C16orf89: variants seen among roughly 807,000 people sequenced by gnomAD.
C16orf89 encodes chromosome 16 open reading frame 89, also known as UPF0764 protein C16orf89.
Under a neutral mutation model 41.5 loss-of-function variants are expected in C16orf89, and 57 were observed. That is an observed-to-expected ratio of 1.38 (90% CI 1.11 to 1.71). C16orf89 has a LOEUF of 1.71. Ranked by LOEUF, C16orf89 falls within the 40% of genes most tolerant of loss-of-function variation. The pLI is 0.00. For synonymous variants in C16orf89, 223 were observed against 190.6 expected (o/e 1.17, Z -1.40); for missense variants, 575 against 445.9 (o/e 1.29, Z -2.61).
chr16:5,062,316 G>A (rs116852727), intron 2 of C16orf89, 109 bp downstream of exon 2: 26,811 of 1,341,592 alleles, frequency 0.02, 342 homozygotes, highest in Middle Eastern at 0.034. Flanking sequence ...AGTTGGTTAC[G>A]GACTGTCCCA....
At chr16:5,060,200 G>A in intron 3 of C16orf89, 86 bp downstream of exon 3, 1 of 1,461,326 alleles carries the variant, frequency 6.8e-7, no homozygotes, top group Admixed American at 2.0e-5. Flanking sequence ...TTCAGCCCTA[G>A]GGCTTGGAGA....
At position 5,055,610 on chromosome 16, in the gene C16orf89, C is replaced by A. The variant is rs993989699; in HGVS notation, c.764-260G>T. On this transcript the variant is annotated intron_variant, in intron 5 of 7. Coordinates refer to ENST00000472572, the MANE Select transcript of C16orf89 (RefSeq NM_001098514.3). Reference sequence around the variant, plus strand: ...AGGATCAGTGGAGGAGTTTGGACACCCCAGCCAGCTAGCAGCCTCCCAAGC... The same window carrying A: ...AGGATCAGTGGAGGAGTTTGGACACACCAGCCAGCTAGCAGCCTCCCAAGC... 8.8e-5 allele frequency: 124 copies of A among 1,412,044 alleles called. 1 individual carries two copies. In the East Asian group the frequency reaches 1.5e-3, roughly 17 times the overall value. 87.5% of individuals were successfully genotyped at this position (1,412,044 alleles called of 1,614,324 possible).
At chr16:5,045,562 G>GCAGATTT (rs1293976597) in intron 7 of C16orf89, among the ~76,000 whole-genome samples, 3 of 152,170 alleles carry the variant, frequency 2.0e-5, no homozygotes, top group Non-Finnish European at 2.9e-5. Flanking sequence ...GAGGGAGAAT[G>GCAGATTT]CAGATTTCAA....
At chr16:5,055,205 C>T (rs1956470098) in intron 6 of C16orf89, 41 bp downstream of exon 6, 2 of 1,508,304 alleles carry the variant, frequency 1.3e-6, no homozygotes, top group Non-Finnish European at 1.8e-6. Flanking sequence ...ACCCCCACCC[C>T]CACTGCCCCC....
chr16:5,064,069 G>A (rs983072965), intron 1 of C16orf89, among the ~76,000 whole-genome samples: 1 of 152,108 alleles, frequency 6.6e-6, no homozygotes, highest in African/African-American at 2.4e-5. Context: ...AGGTTGCAGT[G>A]AGCTGAGGTG....
At chr16:5,063,278 T>A (rs576457574) in intron 1 of C16orf89, among the ~76,000 whole-genome samples, 6 of 152,188 alleles carry the variant, frequency 3.9e-5, no homozygotes, top group African/African-American at 1.4e-4. Context: ...GCTGAGGTAG[T>A]CCTCCAGGGC....
At position 5,065,583 on chromosome 16, in the gene C16orf89, G is replaced by C. The variant is rs1352006990; in HGVS notation, c.208+118C>G. The C allele has an allele frequency of 2.5e-6, 3 of 1,209,770 alleles. No homozygotes were observed. In the South Asian group the frequency reaches 4.6e-5, roughly 18 times the overall value. The allele number at this position is 1,209,770 out of a possible 1,614,324, so 74.9% of individuals were successfully genotyped here. Reference sequence around the variant, plus strand: ...CCTGGCCTCCTCTCTCCTTATAGCCGAGGCAGGCTATACTGGGGCCAGGAG... The same window carrying C: ...CCTGGCCTCCTCTCTCCTTATAGCCCAGGCAGGCTATACTGGGGCCAGGAG... On this transcript the variant is annotated intron_variant, in intron 1 of 7. Coordinates refer to ENST00000472572, the MANE Select transcript of C16orf89 (RefSeq NM_001098514.3).
intron 6 of C16orf89, among the ~76,000 whole-genome samples, chr16:5,051,862 G>C (rs1238454702): frequency 6.6e-6 from 1 of 152,110 alleles, no homozygotes; most frequent in Admixed American, 6.6e-5. Context: ...GACTTTGGGA[G>C]GTCGAGGTAG....
chr16:5,060,124 G>T, intron 3 of C16orf89, 162 bp downstream of exon 3: 1 of 823,874 alleles, frequency 1.2e-6, no homozygotes, highest in East Asian at 3.1e-5. Flanking sequence ...GGACCCTGCT[G>T]GAGTAGGAGA....
intron 6 of C16orf89, among the ~76,000 whole-genome samples, chr16:5,050,232 G>T (rs988377667): frequency 6.6e-6 from 1 of 152,102 alleles, no homozygotes; most frequent in Non-Finnish European, 1.5e-5. Context: ...GCCAGGCATG[G>T]TGGCGGGCGC....
In C16orf89 at chr16:5,063,339, G is replaced by A. The variant is rs187958875; in HGVS notation, c.209-765C>T. 2.5e-3 allele frequency among the ~76,000 whole-genome samples: 375 copies of A among 152,238 alleles called. 1 individual carries two copies. Among genetic ancestry groups the A allele is most frequent in the African/African-American group, 8.7e-3 (360 of 41,542 alleles). ...CTCAGCCCCCTCCATGGGCAAACCC[G>A]CAGGGAAGAAGTAAAGGCTTGGGAG... On this transcript the variant is annotated intron_variant, in intron 1 of 7. Coordinates refer to ENST00000472572, the MANE Select transcript of C16orf89 (RefSeq NM_001098514.3).
intron 1 of C16orf89, 28 bp downstream of exon 1, chr16:5,065,673 C>G (rs759583763): frequency 6.3e-7 from 1 of 1,593,248 alleles, no homozygotes. Flanking sequence ...TTCCCAGTGT[C>G]CAGCCAGAGG....
chr16:5,065,252 C>A (rs1319843956), intron 1 of C16orf89, among the ~76,000 whole-genome samples: 1 of 152,168 alleles, frequency 6.6e-6, no homozygotes, highest in African/African-American at 2.4e-5. Flanking sequence ...ACTGTTTTTG[C>A]AGAACCTTCA....
At chr16:5,045,447 T>A (rs75861507) in intron 7 of C16orf89, among the ~76,000 whole-genome samples, 1,688 of 152,294 alleles carry the variant, frequency 0.011, 21 homozygotes, top group African/African-American at 0.038. Flanking sequence ...GCTGCACGCC[T>A]CTAGTCTCAC....
chr16:5,045,161 C>T (rs898634708), intron 7 of C16orf89, among the ~76,000 whole-genome samples: 3 of 152,234 alleles, frequency 2.0e-5, no homozygotes, highest in African/African-American at 7.2e-5. Flanking sequence ...GCTTCCCTGA[C>T]TTACGTACCT....
Position 5,060,756 on chromosome 16 carries a change from T to C in C16orf89, c.359-320A>G, listed in dbSNP as rs553896955. ...GGCTCACGCCTGTCATCCCAGCACT[T>C]GGGGAGGCTAAGGAAGGAAGATCGC... On this transcript the variant is annotated intron_variant, in intron 2 of 7. Coordinates refer to ENST00000472572, the MANE Select transcript of C16orf89 (RefSeq NM_001098514.3). Among the ~76,000 whole-genome samples the C allele has an allele frequency of 2.6e-5, 4 of 152,084 alleles. No individual in the cohort carries two copies. In the South Asian group the frequency reaches 8.3e-4, roughly 32 times the overall value.
intron 6 of C16orf89, among the ~76,000 whole-genome samples, chr16:5,049,901 G>T (rs1224471495): frequency 1.3e-5 from 2 of 151,794 alleles, no homozygotes; most frequent in Admixed American, 1.3e-4. Context: ...AAAGATCAAT[G>T]AAACAAAAAG....
At position 5,061,502 on chromosome 16, in the gene C16orf89, A is replaced by AAAAAG. The variant is rs796550657; in HGVS notation, c.358+922_358+923insCTTTT. ...ACTGTCTCAAAAAAAAAAAAAAAAA[A>AAAAAG]AACCCCCCCAAAAAAAAAAACAAGT... On this transcript the variant is annotated intron_variant, in intron 2 of 7. Transcript: ENST00000472572. Among the ~76,000 whole-genome samples, 233 of 46,632 alleles carry AAAAAG rather than the reference A, an allele frequency of 5.0e-3. 37 individuals are homozygous for AAAAAG. Among genetic ancestry groups the AAAAAG allele is most frequent in the African/African-American group, 7.2e-3 (73 of 10,148 alleles). 30.6% of individuals were successfully genotyped at this position (46,632 alleles called of 152,430 possible).
chr16:5,055,220 T>G, intron 6 of C16orf89, 26 bp downstream of exon 6: 1 of 1,524,420 alleles, frequency 6.6e-7, no homozygotes, highest in Non-Finnish European at 9.0e-7. Context: ...GCCCCCCTTC[T>G]TAGCCAGGGC....
Sources: gnomAD v4.1 joint callset for allele counts (sites outside exome capture counted in the v4.1 genomes callset) on GRCh38, gnomAD v4.1.1 for gene constraint, MANE v1.5 for transcripts, NCBI Gene and HGNC (gene_info 2026-07-23, HGNC 2026-07-21) for gene names.